The following ERBB4 variants were observed in gnomAD, a reference collection of about 807,000 sequenced individuals.
ERBB4 encodes receptor tyrosine-protein kinase erbB-4.
ERBB4 carries 42 observed loss-of-function variants against 158.0 expected under a neutral mutation model. The ratio of observed to expected loss-of-function variants is 0.27; its 90% CI spans 0.21 to 0.34. The LOEUF (loss-of-function observed/expected upper bound fraction) is 0.34, where lower values mean the gene tolerates loss of function less well. Ranked by LOEUF, ERBB4 falls within the 10% of genes least tolerant of loss-of-function variation. The pLI, the probability that ERBB4 is intolerant of heterozygous loss-of-function variation, is 1.00. For synonymous variants in ERBB4, 583 were observed against 558.7 expected (o/e 1.04, Z -0.61); for missense variants, 1,333 against 1,624.1 (o/e 0.82, Z 3.08).
At chr2:211,753,349 TC>T (rs1248245599) in intron 4 of ERBB4, among the ~76,000 whole-genome samples, 1 of 152,178 alleles carries the variant, frequency 6.6e-6, no homozygotes, top group Non-Finnish European at 1.5e-5. Context: ...CCTGATTATT[TC>T]ATAAGTACCT....
At chr2:212,164,193 G>C (rs942724987) in intron 1 of ERBB4, among the ~76,000 whole-genome samples, 1 of 151,844 alleles carries the variant, frequency 6.6e-6, no homozygotes, top group South Asian at 2.1e-4. Context: ...CAATACAGTA[G>C]CCACTAGCCA....
intron 1 of ERBB4, among the ~76,000 whole-genome samples, chr2:212,271,308 G>A (rs907511150): frequency 1.3e-5 from 2 of 151,622 alleles, no homozygotes; most frequent in Admixed American, 6.6e-5. Context: ...TTACTTCAAC[G>A]TCTTACCATG....
intron 1 of ERBB4, among the ~76,000 whole-genome samples, chr2:212,192,031 TTATATGTTA>T (rs1411005538): frequency 6.3e-5 from 3 of 47,628 alleles, no homozygotes; most frequent in African/African-American, 3.4e-4. Flanking sequence ...GTTATATATG[TTATATGTTA>T]TATATATGTT....
At chr2:211,550,315 C>G (rs577807227) in intron 20 of ERBB4, among the ~76,000 whole-genome samples, 106 of 151,716 alleles carry the variant, frequency 7.0e-4, no homozygotes, top group Non-Finnish European at 1.3e-3. Flanking sequence ...TTCTTCTAAC[C>G]CAAAGCCCCT....
At chr2:212,188,233 TCCCCCCCCCTCTCACCCC>T (rs2082081039) in intron 1 of ERBB4, among the ~76,000 whole-genome samples, 1 of 16,576 alleles carries the variant, frequency 6.0e-5, no homozygotes, top group African/African-American at 2.8e-4. Flanking sequence ...TCTCTCTCTC[TCCCCCCCCCTCTCACCCC>T]CTCCCTCCCT....
At chr2:211,915,367 CA>C (rs2079658553) in intron 3 of ERBB4, among the ~76,000 whole-genome samples, 1 of 151,728 alleles carries the variant, frequency 6.6e-6, no homozygotes, top group South Asian at 2.1e-4. Context: ...ATCAACATTT[CA>C]TCCTGCTTTA....
intron 1 of ERBB4, among the ~76,000 whole-genome samples, chr2:212,482,936 G>A (rs1689780061): frequency 1.3e-5 from 2 of 152,046 alleles, no homozygotes; most frequent in African/African-American, 4.8e-5. Context: ...GTTATTTTTT[G>A]ACAACTTAAA....
chr2:211,922,571 T>G (rs2079885039), intron 3 of ERBB4, among the ~76,000 whole-genome samples: 1 of 152,108 alleles, frequency 6.6e-6, no homozygotes, highest in Non-Finnish European at 1.5e-5. Flanking sequence ...CAACCTTTAC[T>G]GAGTTTTCTT....
chr2:212,135,794 T>C (rs532723097), intron 1 of ERBB4, among the ~76,000 whole-genome samples: 27 of 152,314 alleles, frequency 1.8e-4, no homozygotes, highest in Non-Finnish European at 3.5e-4. Context: ...GGTCCTTAAC[T>C]TTAATGTAGG....
At chr2:212,097,019 G>T (rs938903964) in intron 2 of ERBB4, among the ~76,000 whole-genome samples, 1 of 152,138 alleles carries the variant, frequency 6.6e-6, no homozygotes, top group Admixed American at 6.6e-5. Context: ...TTAAAGTTGG[G>T]CAATTGCATT....
At chr2:211,529,733 T>C (rs1414018264) in intron 20 of ERBB4, among the ~76,000 whole-genome samples, 1 of 152,024 alleles carries the variant, frequency 6.6e-6, no homozygotes, top group Non-Finnish European at 1.5e-5. Flanking sequence ...ATCAACAGAA[T>C]AAAGGACCAA....
At chr2:212,501,912 G>T (rs1330266868) in intron 1 of ERBB4, among the ~76,000 whole-genome samples, 1 of 151,916 alleles carries the variant, frequency 6.6e-6, no homozygotes, top group Non-Finnish European at 1.5e-5. Context: ...AAAACCTGGG[G>T]TTTCTGAAAG....
In ERBB4 at chr2:212,034,813, T is replaced by C. The variant is rs2076977747; in HGVS notation, c.235-87197A>G. 2.0e-5 allele frequency among the ~76,000 whole-genome samples: 3 copies of C among 152,298 alleles called. No homozygotes were observed. The South Asian group carries it at 6.2e-4, about 32-fold the overall frequency. ...TGGAAAAGATCCACTGATTTTTCTC[T>C]CATTTGATTATAAGAAATATATGTG... On this transcript the variant is annotated intron_variant, in intron 2 of 27. Transcript: ENST00000342788.
At chr2:211,471,115 C>T (rs887880367) in intron 20 of ERBB4, among the ~76,000 whole-genome samples, 6 of 151,810 alleles carry the variant, frequency 4.0e-5, no homozygotes, top group Non-Finnish European at 7.4e-5. Flanking sequence ...TAAGGAGGCC[C>T]GGGAGGATAA....
intron 1 of ERBB4, among the ~76,000 whole-genome samples, chr2:212,412,577 T>G (rs967576342): frequency 3.3e-5 from 5 of 152,194 alleles, no homozygotes; most frequent in Non-Finnish European, 7.3e-5. Flanking sequence ...TGTGAACCAA[T>G]TAAACCTCTT....
chr2:211,681,762 T>G (rs923631653), intron 12 of ERBB4, among the ~76,000 whole-genome samples: 78 of 152,296 alleles, frequency 5.1e-4, no homozygotes, highest in African/African-American at 1.8e-3. Context: ...AACTATTTTC[T>G]CCCAATTTTA....
At chr2:211,766,143 G>T (rs570209626) in intron 4 of ERBB4, among the ~76,000 whole-genome samples, 1 of 152,184 alleles carries the variant, frequency 6.6e-6, no homozygotes, top group East Asian at 1.9e-4. Flanking sequence ...TTTTTCTCCT[G>T]TGTAGAAAGA....
intron 20 of ERBB4, among the ~76,000 whole-genome samples, chr2:211,458,012 A>C (rs1313053608): frequency 6.6e-6 from 1 of 152,098 alleles, no homozygotes; most frequent in African/African-American, 2.4e-5. Flanking sequence ...AACCACTTGC[A>C]CTGACCAGGT....
At chr2:211,635,745 G>A (rs1437011311) in intron 16 of ERBB4, among the ~76,000 whole-genome samples, 2 of 152,132 alleles carry the variant, frequency 1.3e-5, no homozygotes, top group Admixed American at 6.5e-5. Context: ...CTTAATTGGC[G>A]AAACTGGTAT....
Sources: allele counts gnomAD v4.1 joint callset (sites outside exome capture counted in the v4.1 genomes callset), GRCh38; gene constraint gnomAD v4.1.1; transcripts MANE v1.5; gene names NCBI Gene and HGNC (gene_info 2026-07-23, HGNC 2026-07-21).